The following SSR1 variants were observed in gnomAD, a reference collection of about 807,000 sequenced individuals.
SSR1 encodes translocon-associated protein subunit alpha.
SSR1 carries 13 observed loss-of-function variants against 36.1 expected under a neutral mutation model. The observed-to-expected ratio is 0.36, with a 90% CI of 0.23 to 0.57. SSR1 has a LOEUF of 0.57. Ranked by LOEUF, SSR1 falls within the 20% of genes least tolerant of loss-of-function variation. The pLI is 0.81. For missense variants in SSR1, 291 were observed against 338.5 expected (o/e 0.86, Z 1.10); for synonymous variants, 113 against 118.9 (o/e 0.95, Z 0.32).
At chr6:7,303,386 T>G (rs1438794844) in intron 3 of SSR1, among the ~76,000 whole-genome samples, 164 bp downstream of exon 3, 1 of 152,184 alleles carries the variant, frequency 6.6e-6, no homozygotes, top group Non-Finnish European at 1.5e-5. Flanking sequence ...GTATTTATTT[T>G]ATTTTTTCCC....
intron 7 of SSR1, among the ~76,000 whole-genome samples, chr6:7,290,967 C>G (rs1757667864): frequency 7.7e-6 from 1 of 129,658 alleles, no homozygotes; most frequent in Admixed American, 7.6e-5. Flanking sequence ...GATCTCCGCT[C>G]TCCACCTCCT....
chr6:7,304,484 C>T (rs1758008237), intron 2 of SSR1, among the ~76,000 whole-genome samples: 1 of 151,996 alleles, frequency 6.6e-6, no homozygotes, highest in African/African-American at 2.4e-5. Context: ...CAAAATTTTC[C>T]TGTGAGGATC....
At chr6:7,304,118 C>A (rs776074813) in intron 2 of SSR1, among the ~76,000 whole-genome samples, 47 of 152,184 alleles carry the variant, frequency 3.1e-4, no homozygotes, top group Non-Finnish European at 4.6e-4. Context: ...CCTACCAATT[C>A]TTTGGGGATG....
At position 7,289,079 on chromosome 6, in the gene SSR1, A is replaced by G. The variant is rs537489236; in HGVS notation, c.*785T>C. ...AAAACCTACACACAACTGAGTGAGTAGGTCTAAAATCACTCCAGAGCTACC... is the reference window on the plus strand; with the variant it reads ...AAAACCTACACACAACTGAGTGAGTGGGTCTAAAATCACTCCAGAGCTACC... On this transcript the variant is annotated 3_prime_UTR_variant, in exon 8 of 8. Transcript: ENST00000244763. The G allele has an allele frequency of 1.3e-5, 2 of 152,330 alleles. No homozygotes were observed. The highest frequency in any genetic ancestry group is 2.9e-5 in the Non-Finnish European group (2 of 68,034). The allele number at this position is 152,330 out of a possible 1,614,324, so 9.4% of individuals were successfully genotyped here. A position where few individuals can be genotyped will look rare whatever the true frequency, so the allele number is the denominator to read the frequency against.
intron 2 of SSR1, among the ~76,000 whole-genome samples, chr6:7,306,756 A>T (rs973959366): frequency 2.6e-5 from 4 of 151,818 alleles, no homozygotes; most frequent in South Asian, 2.1e-4. Context: ...CTCTACTAAA[A>T]ATACAAAAAA....
intron 1 of SSR1, among the ~76,000 whole-genome samples, chr6:7,310,924 T>TA (rs1292493085): frequency 6.6e-6 from 1 of 151,904 alleles, no homozygotes; most frequent in African/African-American, 2.4e-5. Flanking sequence ...AAAATAAAAA[T>TA]AAAAAAATAA....
At position 7,295,283 on chromosome 6, in the gene SSR1, A is replaced by T. The variant is rs1757767657; in HGVS notation, c.793+109T>A. On this transcript the variant is annotated intron_variant, in intron 7 of 7. Coordinates refer to ENST00000244763, the MANE Select transcript of SSR1 (RefSeq NM_003144.5). The stretch of plus-strand genomic sequence containing the variant: ...CTAGATTCTACACAAGTAATGGAAA[A>T]GATGAATGTTAAATAGTACTGAAAA... 9.9e-6 allele frequency: 11 copies of T among 1,107,774 alleles called. 1 individual carries two copies. The highest frequency in any genetic ancestry group is 1.3e-5 in the Non-Finnish European group (10 of 779,394). The allele number at this position is 1,107,774 out of a possible 1,614,324, so 68.6% of individuals were successfully genotyped here.
At position 7,289,820 on chromosome 6, in the gene SSR1, T is replaced by C. The variant is rs1446225567; in HGVS notation, c.*44A>G. 5 of 1,544,084 alleles carry C rather than the reference T, an allele frequency of 3.2e-6. No individual in the cohort carries two copies. The highest frequency in any genetic ancestry group is 4.4e-6 in the Non-Finnish European group (5 of 1,148,824). On this transcript the variant is annotated 3_prime_UTR_variant, in exon 8 of 8. Coordinates refer to ENST00000244763, the MANE Select transcript of SSR1 (RefSeq NM_003144.5). Reference sequence around the variant, plus strand: ...TAATTCCCATCAGGCCGAAAAATATTAGGGCAGGTTAAGTAAAGACCGAAT... The same window carrying C: ...TAATTCCCATCAGGCCGAAAAATATCAGGGCAGGTTAAGTAAAGACCGAAT...
intron 1 of SSR1, among the ~76,000 whole-genome samples, chr6:7,311,444 C>CT (rs1253355933): frequency 1.3e-5 from 2 of 152,182 alleles, no homozygotes; most frequent in African/African-American, 2.4e-5. Context: ...TTTTCCATGT[C>CT]TTTAAGTTCT....
At chr6:7,291,959 G>C (rs1757693709) in intron 7 of SSR1, among the ~76,000 whole-genome samples, 1 of 152,122 alleles carries the variant, frequency 6.6e-6, no homozygotes, top group Non-Finnish European at 1.5e-5. Flanking sequence ...TGTAGTCCCA[G>C]TTATTTGGGA....
intron 7 of SSR1, among the ~76,000 whole-genome samples, chr6:7,290,490 G>C (rs1368384891): frequency 6.6e-6 from 1 of 152,152 alleles, no homozygotes; most frequent in African/African-American, 2.4e-5. Flanking sequence ...TTTGGTAAGA[G>C]GTGTCATTTA....
Position 7,285,427 on chromosome 6 carries a change from A to T in SSR1, c.*4437T>A, listed in dbSNP as rs918228201. On this transcript the variant is annotated 3_prime_UTR_variant, in exon 8 of 8. Coordinates refer to ENST00000244763, the MANE Select transcript of SSR1 (RefSeq NM_003144.5). The surrounding 1 kb of genome is among the most constrained non-coding windows in gnomAD (Gnocchi z 4.1). ...GCAGTGGCTCACGCCTGTAAGCCTGACACTTTGTGAGGCCAAGGTGGGTGA... is the reference window on the plus strand; with the variant it reads ...GCAGTGGCTCACGCCTGTAAGCCTGTCACTTTGTGAGGCCAAGGTGGGTGA... The T allele has an allele frequency of 2.6e-5, 4 of 152,228 alleles. No individual in the cohort carries two copies. The highest frequency in any genetic ancestry group is 9.7e-5 in the African/African-American group (4 of 41,426). 9.4% of individuals were successfully genotyped at this position (152,228 alleles called of 1,614,324 possible). A position where few individuals can be genotyped will look rare whatever the true frequency, so the allele number is the denominator to read the frequency against.
chr6:7,301,405 T>C lies in SSR1; in HGVS notation c.448A>G (p.Arg150Gly), dbSNP rs758276302. 2 of 1,614,194 alleles carry C rather than the reference T, an allele frequency of 1.2e-6. No homozygotes were observed. Among genetic ancestry groups the C allele is most frequent in the South Asian group, 2.2e-5 (2 of 91,084 alleles). Reference protein sequence around the residue: ...LPLNTVVPPQRQATFEYSFIP... With the variant: ...LPLNTVVPPQGQATFEYSFIP... ...AAAGAGTACTCAAAAGTTGCCTGTC[T>C]CTGGGGTGGCACTACAGTGTTCAGA... Residue 150 changes from arginine (R) to glycine (G), a missense_variant, in exon 4 of 8, where the codon AGA becomes GGA. Transcript: ENST00000244763.
At chr6:7,306,987 A>C (rs926991924) in intron 2 of SSR1, among the ~76,000 whole-genome samples, 2 of 151,342 alleles carry the variant, frequency 1.3e-5, no homozygotes, top group African/African-American at 4.9e-5. Flanking sequence ...CAAAAATTCT[A>C]AACCAATAAC....
chr6:7,303,087 C>T (rs1438170271), intron 3 of SSR1, among the ~76,000 whole-genome samples: 2 of 129,668 alleles, frequency 1.5e-5, no homozygotes, highest in East Asian at 4.9e-4. Flanking sequence ...TGCAGTGAGC[C>T]GAGATCATAC....
chr6:7,290,001 G>C (rs1307340865), intron 7 of SSR1, 70 bp from the exon 8 acceptor site: 2 of 1,332,264 alleles, frequency 1.5e-6, no homozygotes, highest in East Asian at 5.5e-5. Context: ...ATGTTAAAAA[G>C]TATTTACCTT....
intron 4 of SSR1, among the ~76,000 whole-genome samples, chr6:7,299,759 A>G (rs146018709): frequency 1.3e-5 from 2 of 152,176 alleles, no homozygotes; most frequent in Non-Finnish European, 2.9e-5. Context: ...CACTTTAGGT[A>G]TGAAAATATT....
rs530402332 is a variant in SSR1, at chr6:7,301,758, CT to C, written c.281-187del. ...TCAAGTTGCTGTATAGGCTGAAACC[CT>C]TTTGTCTGTACGCTAGCACTCCCAC... On this transcript the variant is annotated intron_variant, in intron 3 of 7. Coordinates refer to ENST00000244763, the MANE Select transcript of SSR1 (RefSeq NM_003144.5). Among the ~76,000 whole-genome samples, 40 of 152,290 alleles carry C rather than the reference CT, an allele frequency of 2.6e-4. No homozygotes were observed. In the South Asian group the frequency reaches 8.1e-3, roughly 31 times the overall value.
intron 2 of SSR1, 133 bp from the exon 3 acceptor site, chr6:7,303,770 G>T: frequency 3.4e-6 from 2 of 593,480 alleles, no homozygotes; most frequent in Non-Finnish European, 5.8e-6. Flanking sequence ...CAGATCACCT[G>T]AAGTCAGGAG....
Sources: allele counts gnomAD v4.1 joint callset (sites outside exome capture counted in the v4.1 genomes callset), GRCh38; gene constraint gnomAD v4.1.1; non-coding constraint Gnocchi (gnomAD v3.1); transcripts MANE v1.5; gene names NCBI Gene and HGNC (gene_info 2026-07-23, HGNC 2026-07-21).